The following LRMDA variants were observed in gnomAD, a reference collection of about 807,000 sequenced individuals.
The protein encoded by LRMDA is leucine-rich melanocyte differentiation-associated protein.
In LRMDA, 18 loss-of-function variants were observed where a neutral mutation model predicts 29.8. That is an observed-to-expected ratio of 0.60 (90% confidence interval 0.42 to 0.90). The LOEUF (loss-of-function observed/expected upper bound fraction) is 0.90, where lower values mean the gene tolerates loss of function less well. Among genes scored for constraint, LRMDA ranks in the 40% least tolerant of loss-of-function variants. The probability of loss-of-function intolerance (pLI) is 0.00; values close to 1 mark genes in which losing one functional copy is unlikely to be tolerated. For missense variants in LRMDA, 273 were observed against 273.9 expected (o/e 1.00, Z 0.02); for synonymous variants, 125 against 109.4 (o/e 1.14, Z -0.89).
intron 5 of LRMDA, among the ~76,000 whole-genome samples, chr10:76,070,709 T>C (rs868279978): frequency 1.3e-5 from 2 of 151,874 alleles, no homozygotes; most frequent in African/African-American, 4.8e-5. Context: ...ATGAAATACT[T>C]CTGCTCTTCT....
chr10:76,274,126 C>G (rs1478959854), intron 5 of LRMDA, among the ~76,000 whole-genome samples: 1 of 152,098 alleles, frequency 6.6e-6, no homozygotes, highest in Non-Finnish European at 1.5e-5. Context: ...ATATCCTAGA[C>G]TGTTTCAGGA....
intron 5 of LRMDA, among the ~76,000 whole-genome samples, chr10:76,093,284 C>G (rs1263489766): frequency 6.6e-6 from 1 of 150,986 alleles, no homozygotes; most frequent in Non-Finnish European, 1.5e-5. Flanking sequence ...GTGATTCTCC[C>G]AAAGTGTTGG....
intron 2 of LRMDA, among the ~76,000 whole-genome samples, chr10:75,887,456 C>T (rs531580405): frequency 2.0e-5 from 3 of 152,016 alleles, no homozygotes; most frequent in Non-Finnish European, 4.4e-5. Flanking sequence ...TTGTTTCCCC[C>T]GAACATCATC....
At chr10:76,422,183 C>G (rs1000118952) in intron 6 of LRMDA, among the ~76,000 whole-genome samples, 2 of 151,968 alleles carry the variant, frequency 1.3e-5, no homozygotes, top group African/African-American at 4.8e-5. Flanking sequence ...TTTGGTTCAG[C>G]TACTCAGCCT....
chr10:76,540,818 C>A (rs1589230526), intron 6 of LRMDA, among the ~76,000 whole-genome samples: 1 of 152,160 alleles, frequency 6.6e-6, no homozygotes, highest in East Asian at 1.9e-4. Context: ...GCACTTGGGG[C>A]TCAGACTTGC....
intron 2 of LRMDA, among the ~76,000 whole-genome samples, chr10:75,725,060 G>A (rs187909576): frequency 6.6e-6 from 1 of 152,308 alleles, no homozygotes; most frequent in Admixed American, 6.5e-5. Context: ...AACCATATCA[G>A]ATGAATTGTG....
intron 5 of LRMDA, among the ~76,000 whole-genome samples, chr10:76,118,840 C>CTTTTTTTT (rs962279433): frequency 8.7e-5 from 4 of 46,002 alleles, no homozygotes; most frequent in Non-Finnish European, 1.7e-4. Flanking sequence ...TGCAAATACA[C>CTTTTTTTT]TTTTTTTTTT....
At chr10:75,681,285 C>T (rs1842020318) in intron 2 of LRMDA, among the ~76,000 whole-genome samples, 1 of 152,202 alleles carries the variant, frequency 6.6e-6, no homozygotes, top group African/African-American at 2.4e-5. Flanking sequence ...CATTTTAATG[C>T]TTCAGTAGTT....
intron 2 of LRMDA, among the ~76,000 whole-genome samples, chr10:76,014,499 T>G (rs2132484141): frequency 6.6e-6 from 1 of 152,292 alleles, no homozygotes; most frequent in South Asian, 2.1e-4. Flanking sequence ...TAACATCATA[T>G]GCCCATATAC....
intron 6 of LRMDA, among the ~76,000 whole-genome samples, chr10:76,444,412 C>A (rs1325975265): frequency 6.6e-6 from 1 of 152,160 alleles, no homozygotes; most frequent in Non-Finnish European, 1.5e-5. Flanking sequence ...GAGCCCTGGT[C>A]TGAGTTCAGT....
intron 6 of LRMDA, among the ~76,000 whole-genome samples, chr10:76,426,728 G>A (rs1292833113): frequency 6.6e-6 from 1 of 152,076 alleles, no homozygotes; most frequent in Non-Finnish European, 1.5e-5. Context: ...GGGTTTTTAT[G>A]GTTTTAGGTC....
intron 2 of LRMDA, among the ~76,000 whole-genome samples, chr10:75,789,590 T>G (rs12773550): frequency 0.38 from 58,248 of 152,062 alleles, 13,164 homozygotes; most frequent in South Asian, 0.54. Context: ...ATATTATAAA[T>G]ATATTTAAAA....
chr10:76,002,772 A>C (rs1410836994), intron 2 of LRMDA, among the ~76,000 whole-genome samples: 1 of 152,094 alleles, frequency 6.6e-6, no homozygotes, highest in African/African-American at 2.4e-5. Flanking sequence ...GGGCTCCTAC[A>C]AAAAAAGTTT....
At chr10:75,893,143 G>A (rs1262762349) in intron 2 of LRMDA, among the ~76,000 whole-genome samples, 1 of 152,102 alleles carries the variant, frequency 6.6e-6, no homozygotes, top group Non-Finnish European at 1.5e-5. Context: ...CATGCACATG[G>A]GCTTCTTAGT....
rs566913462 is a variant in LRMDA, at chr10:76,258,572, G to A, written c.517-65829G>A. Among the ~76,000 whole-genome samples, 25 of 152,130 alleles carry A rather than the reference G, an allele frequency of 1.6e-4. No individual in the cohort carries two copies. The East Asian group carries it at 4.4e-3, about 27-fold the overall frequency. On this transcript the variant is annotated intron_variant, in intron 5 of 6. Transcript: ENST00000611255. ...GAGAAATTATTCCTCTTATCTGGCT[G>A]TAATTTTTCATCCTTTAACAAATCT...
chr10:76,143,337 A>T (rs1020245401), intron 5 of LRMDA, among the ~76,000 whole-genome samples: 24 of 152,288 alleles, frequency 1.6e-4, no homozygotes, highest in African/African-American at 5.8e-4. Flanking sequence ...ATTTCTCCAC[A>T]TTCTCTCCAG....
chr10:76,493,106 C>T (rs897889875), intron 6 of LRMDA, among the ~76,000 whole-genome samples: 6 of 151,986 alleles, frequency 3.9e-5, no homozygotes, highest in Non-Finnish European at 1.5e-5. Flanking sequence ...TCCTCTAGGA[C>T]ACAGATGGGT....
intron 5 of LRMDA, among the ~76,000 whole-genome samples, chr10:76,133,624 G>C (rs898851676): frequency 6.6e-6 from 1 of 152,208 alleles, no homozygotes; most frequent in African/African-American, 2.4e-5. Flanking sequence ...GTTAAATACA[G>C]ATCAGCTGCC....
intron 6 of LRMDA, among the ~76,000 whole-genome samples, chr10:76,467,213 A>G (rs1351256994): frequency 1.3e-5 from 2 of 152,194 alleles, no homozygotes; most frequent in Non-Finnish European, 2.9e-5. Flanking sequence ...TCTGTCCTGT[A>G]GTACAGTAGG....
Sources: allele counts gnomAD v4.1 joint callset (sites outside exome capture counted in the v4.1 genomes callset), GRCh38; gene constraint gnomAD v4.1.1; transcripts MANE v1.5; gene names NCBI Gene and HGNC (gene_info 2026-07-23, HGNC 2026-07-21).